CCSER1: variants seen among roughly 807,000 people sequenced by gnomAD.
The protein encoded by CCSER1 is coiled-coil serine rich protein 1.
CCSER1 carries 41 observed loss-of-function variants against 82.0 expected under a neutral mutation model. The ratio of observed to expected loss-of-function variants is 0.50; its 90% CI spans 0.39 to 0.65. The LOEUF is 0.65. CCSER1 is among the 30% of genes least tolerant of loss of function. CCSER1 has a pLI of 0.00. For synonymous variants in CCSER1, 414 were observed against 383.9 expected (o/e 1.08, Z -0.92); for missense variants, 1,119 against 1,064.2 (o/e 1.05, Z -0.72).
chr4:90,314,504 A>G (rs914176012), intron 3 of CCSER1, among the ~76,000 whole-genome samples: 2 of 152,150 alleles, frequency 1.3e-5, no homozygotes, highest in Non-Finnish European at 2.9e-5. Flanking sequence ...ATATTCTCTC[A>G]TATCTCATGT....
At chr4:90,571,212 A>C (rs1780080133) in intron 5 of CCSER1, among the ~76,000 whole-genome samples, 1 of 152,220 alleles carries the variant, frequency 6.6e-6, no homozygotes, top group Non-Finnish European at 1.5e-5. Flanking sequence ...CATTCAACCC[A>C]GCTATCTCAT....
chr4:91,075,279 C>A (rs1427280413), intron 9 of CCSER1, among the ~76,000 whole-genome samples: 1 of 151,236 alleles, frequency 6.6e-6, no homozygotes, highest in African/African-American at 2.4e-5. Context: ...AATTTTTTTC[C>A]TACCTAAAAT....
At chr4:90,298,591 G>C (rs1292808854) in intron 1 of CCSER1, among the ~76,000 whole-genome samples, 1 of 152,068 alleles carries the variant, frequency 6.6e-6, no homozygotes, top group Non-Finnish European at 1.5e-5. Context: ...ATGTTAGGGT[G>C]TCAATTTTGG....
At chr4:90,136,875 A>G (rs1430239206) in intron 1 of CCSER1, among the ~76,000 whole-genome samples, 1 of 152,178 alleles carries the variant, frequency 6.6e-6, no homozygotes, top group Non-Finnish European at 1.5e-5. Flanking sequence ...AAGTTAGGAA[A>G]AGGAGGAAAA....
At chr4:90,713,334 C>T (rs991474913) in intron 6 of CCSER1, among the ~76,000 whole-genome samples, 1 of 152,020 alleles carries the variant, frequency 6.6e-6, no homozygotes. Flanking sequence ...GCAAGGCAGG[C>T]CTGGTAGTGA....
chr4:90,733,359 T>C (rs1745082506), intron 7 of CCSER1, among the ~76,000 whole-genome samples: 1 of 152,242 alleles, frequency 6.6e-6, no homozygotes, highest in Non-Finnish European at 1.5e-5. Context: ...TTCAGATGTT[T>C]TGGCCATTTT....
At chr4:90,673,320 A>G (rs754410006) in intron 6 of CCSER1, among the ~76,000 whole-genome samples, 13 of 151,986 alleles carry the variant, frequency 8.6e-5, no homozygotes, top group Non-Finnish European at 1.6e-4. Context: ...CTTGAAAATT[A>G]TGTTTAAACT....
intron 5 of CCSER1, among the ~76,000 whole-genome samples, chr4:90,594,841 A>G (rs971211387): frequency 6.6e-6 from 1 of 152,112 alleles, no homozygotes; most frequent in African/African-American, 2.4e-5. Context: ...GGTTTTAGAT[A>G]GGTACTAGCT....
chr4:90,177,757 A>G (rs879444823), intron 1 of CCSER1, among the ~76,000 whole-genome samples: 4 of 152,082 alleles, frequency 2.6e-5, no homozygotes, highest in African/African-American at 4.8e-5. Flanking sequence ...TGTATACAAA[A>G]TGCCTAAACC....
chr4:91,123,200 G>A (rs916446838), intron 10 of CCSER1, among the ~76,000 whole-genome samples: 1 of 151,612 alleles, frequency 6.6e-6, no homozygotes, highest in South Asian at 2.1e-4. Context: ...CTTTCAAATA[G>A]CATAGTTTTC....
At chr4:91,059,340 T>TGTGTATATATACATATAGTGTATATATAC (rs1743750271) in intron 9 of CCSER1, among the ~76,000 whole-genome samples, 1 of 150,300 alleles carries the variant, frequency 6.7e-6, no homozygotes, top group Non-Finnish European at 1.5e-5. Context: ...TGTATATATA[T>TGTGTATATATACATATAGTGTATATATAC]GTGTATATAT....
intron 4 of CCSER1, among the ~76,000 whole-genome samples, chr4:90,458,167 G>A (rs1273098252): frequency 6.6e-6 from 1 of 152,078 alleles, no homozygotes; most frequent in Non-Finnish European, 1.5e-5. Context: ...AGCCGCAGCT[G>A]GTTTGCTGCG....
intron 10 of CCSER1, among the ~76,000 whole-genome samples, chr4:91,584,959 G>A (rs1271526940): frequency 6.6e-6 from 1 of 151,232 alleles, no homozygotes; most frequent in Non-Finnish European, 1.5e-5. Context: ...TTTTTACCTT[G>A]AACTGATTAA....
chr4:91,376,164 T>C (rs2149330354), intron 10 of CCSER1, among the ~76,000 whole-genome samples: 1 of 152,190 alleles, frequency 6.6e-6, no homozygotes, highest in Middle Eastern at 3.4e-3. Flanking sequence ...ATTATGACAA[T>C]AGGTCAAAGA....
chr4:90,306,180 G>A (rs1473305437), intron 1 of CCSER1, among the ~76,000 whole-genome samples: 5 of 152,298 alleles, frequency 3.3e-5, no homozygotes, highest in South Asian at 2.1e-4. Context: ...GAAGGACCGG[G>A]GGCTGGGGTG....
chr4:90,513,217 A>G (rs1448445797), intron 5 of CCSER1, among the ~76,000 whole-genome samples: 1 of 152,188 alleles, frequency 6.6e-6, no homozygotes, highest in East Asian at 1.9e-4. Flanking sequence ...TATAAATAGT[A>G]CTGCATTTTA....
chr4:90,131,472 A>C (rs893356965), intron 1 of CCSER1, among the ~76,000 whole-genome samples: 7 of 152,168 alleles, frequency 4.6e-5, no homozygotes, highest in Non-Finnish European at 8.8e-5. Context: ...CCCTAAGCAA[A>C]TCTTTTTAGG....
At chr4:90,435,484 T>C (rs1758878475) in intron 4 of CCSER1, among the ~76,000 whole-genome samples, 1 of 152,144 alleles carries the variant, frequency 6.6e-6, no homozygotes, top group Non-Finnish European at 1.5e-5. Context: ...AATATTGTGC[T>C]CCTTCTATTG....
At chr4:91,544,595 T>G (rs1387626521) in intron 10 of CCSER1, among the ~76,000 whole-genome samples, 1 of 152,204 alleles carries the variant, frequency 6.6e-6, no homozygotes, top group African/African-American at 2.4e-5. Context: ...CCTGTTTGCC[T>G]GGGCATCACC....
Sources: allele counts gnomAD v4.1 joint callset (sites outside exome capture counted in the v4.1 genomes callset), GRCh38; gene constraint gnomAD v4.1.1; transcripts MANE v1.5; gene names NCBI Gene and HGNC (gene_info 2026-07-23, HGNC 2026-07-21).